Variants in TTLL5 observed in about 807,000 individuals in gnomAD.
The protein encoded by TTLL5 is tubulin tyrosine ligase like 5, also known as tubulin polyglutamylase TTLL5.
In TTLL5, 132 loss-of-function variants were observed where a neutral mutation model predicts 168.4. The ratio of observed to expected loss-of-function variants is 0.78; its 90% CI spans 0.68 to 0.91. The LOEUF is 0.91. TTLL5 is among the 40% of genes least tolerant of loss of function. The pLI, the probability that TTLL5 is intolerant of heterozygous loss-of-function variation, is 0.00. For synonymous variants in TTLL5, 546 were observed against 558.6 expected (o/e 0.98, Z 0.32); for missense variants, 1,545 against 1,581.5 (o/e 0.98, Z 0.39).
chr14:75,825,366 G>T (rs2140425340), intron 28 of TTLL5, among the ~76,000 whole-genome samples: 1 of 152,244 alleles, frequency 6.6e-6, no homozygotes, highest in African/African-American at 2.4e-5. Flanking sequence ...AGCCGAGGAT[G>T]GGAAGGCATC....
intron 31 of TTLL5, among the ~76,000 whole-genome samples, chr14:75,925,815 G>A (rs534691550): frequency 3.5e-4 from 54 of 152,140 alleles, no homozygotes; most frequent in Non-Finnish European, 7.2e-4. Flanking sequence ...TCGGGAGGCC[G>A]AGGCTGGCGG....
At chr14:75,880,929 T>A (rs749986586) in intron 29 of TTLL5, among the ~76,000 whole-genome samples, 3 of 152,130 alleles carry the variant, frequency 2.0e-5, no homozygotes, top group Admixed American at 1.3e-4. Context: ...CCCCGCTTTT[T>A]TTGAGACAGG....
intron 31 of TTLL5, among the ~76,000 whole-genome samples, chr14:75,923,823 A>G (rs1445023399): frequency 1.3e-5 from 2 of 152,274 alleles, no homozygotes; most frequent in African/African-American, 2.4e-5. Flanking sequence ...GTCTTCCACT[A>G]TTATTGTGTG....
In TTLL5 at chr14:75,683,547, C is replaced by G. The variant is rs1884794433; in HGVS notation, c.265-3C>G. 6 of 1,612,320 alleles carry G rather than the reference C, an allele frequency of 3.7e-6. No homozygotes were observed. The highest frequency in any genetic ancestry group is 5.1e-6 in the Non-Finnish European group (6 of 1,178,652). On this transcript the variant is annotated splice_region_variant and splice_polypyrimidine_tract_variant and intron_variant, in intron 4 of 31. Coordinates refer to ENST00000298832, the MANE Select transcript of TTLL5 (RefSeq NM_015072.5). ...GCCTTCTTGTCTTTCTGTCTGCCCT[C>G]AGGTTCACCCAAGCAGCACTGACTA... is the stretch of plus-strand genomic sequence containing the variant.
chr14:75,919,816 A>G (rs1459454762), intron 31 of TTLL5, among the ~76,000 whole-genome samples: 1 of 152,152 alleles, frequency 6.6e-6, no homozygotes. Flanking sequence ...TTCAACGGAT[A>G]CCACCAAGAA....
chr14:75,702,590 A>G (rs1366694392), intron 7 of TTLL5, among the ~76,000 whole-genome samples: 1 of 152,210 alleles, frequency 6.6e-6, no homozygotes, highest in Non-Finnish European at 1.5e-5. Flanking sequence ...TAGAAAAGTT[A>G]AACTTTCCTT....
At chr14:75,818,127 C>T (rs1217772396) in intron 27 of TTLL5, among the ~76,000 whole-genome samples, 9 of 152,160 alleles carry the variant, frequency 5.9e-5, no homozygotes, top group African/African-American at 1.7e-4. Context: ...CGTGAGCCAC[C>T]GTGCCCGGCC....
intron 27 of TTLL5, among the ~76,000 whole-genome samples, chr14:75,811,181 G>GTGTGTGTGTGTGTA (rs778265688): frequency 4.9e-5 from 6 of 121,310 alleles, no homozygotes; most frequent in South Asian, 2.5e-4. Context: ...GTGTGTGTGT[G>GTGTGTGTGTGTGTA]TGTGTGTATG....
At chr14:75,882,163 G>A (rs1172931790) in intron 29 of TTLL5, among the ~76,000 whole-genome samples, 1 of 152,012 alleles carries the variant, frequency 6.6e-6, no homozygotes, top group Non-Finnish European at 1.5e-5. Context: ...GGTTCCTGTC[G>A]CAGGAACCTC....
At chr14:75,783,904 A>G (rs889935265) in intron 26 of TTLL5, among the ~76,000 whole-genome samples, 3 of 152,248 alleles carry the variant, frequency 2.0e-5, no homozygotes. Flanking sequence ...TTTTTAGGCA[A>G]GAATGACCTG....
Position 75,948,485 on chromosome 14 carries a change from T to TA in TTLL5, c.3824-5928dup, listed in dbSNP as rs771491969. Among the ~76,000 whole-genome samples the TA allele has an allele frequency of 5.4e-3, 797 of 146,514 alleles. 2 individuals carry two copies. The highest frequency in any genetic ancestry group is 7.2e-3 in the Non-Finnish European group (479 of 66,206). ...GGGTGACAAGAGTGAAACCCTATCT[T>TA]AAAAAAAAAAATCATAATTTTAAAA... is the stretch of plus-strand genomic sequence containing the variant. On this transcript the variant is annotated intron_variant, in intron 31 of 31. Coordinates refer to ENST00000298832, the MANE Select transcript of TTLL5 (RefSeq NM_015072.5).
At chr14:75,904,043 C>T (rs1316254388) in intron 31 of TTLL5, 3 of 1,168,854 alleles carry the variant, frequency 2.6e-6, no homozygotes, top group African/African-American at 3.3e-5. Flanking sequence ...CCACTACTAC[C>T]TCATAACCTT....
intron 7 of TTLL5, among the ~76,000 whole-genome samples, chr14:75,704,821 G>A (rs1384722529): frequency 6.6e-6 from 1 of 152,182 alleles, no homozygotes; most frequent in Non-Finnish European, 1.5e-5. Context: ...AGAACACATA[G>A]TAAAGTTACC....
At chr14:75,879,175 T>A (rs2031666853) in intron 29 of TTLL5, among the ~76,000 whole-genome samples, 1 of 152,144 alleles carries the variant, frequency 6.6e-6, no homozygotes, top group South Asian at 2.1e-4. Context: ...CTATAATACA[T>A]GGTAGAATGT....
At chr14:75,924,261 A>T (rs1480946723) in intron 31 of TTLL5, among the ~76,000 whole-genome samples, 1 of 150,544 alleles carries the variant, frequency 6.6e-6, no homozygotes, top group Non-Finnish European at 1.5e-5. Flanking sequence ...TGATCCTGTC[A>T]TTATGATGTT....
chr14:75,670,650 T>A (rs1883668712), intron 3 of TTLL5, among the ~76,000 whole-genome samples: 1 of 152,232 alleles, frequency 6.6e-6, no homozygotes, highest in Non-Finnish European at 1.5e-5. Context: ...TGGTTTTGAT[T>A]TGCATTTCCC....
intron 3 of TTLL5, 102 bp downstream of exon 3, chr14:75,669,624 C>A: frequency 1.2e-6 from 1 of 867,672 alleles, no homozygotes; most frequent in Non-Finnish European, 1.7e-6. Context: ...GGGCCTTGGC[C>A]ATGAGAAAAA....
intron 28 of TTLL5, among the ~76,000 whole-genome samples, chr14:75,845,553 A>G (rs1400067011): frequency 6.6e-6 from 1 of 152,246 alleles, no homozygotes; most frequent in Admixed American, 6.5e-5. Flanking sequence ...AAGTTGTGAA[A>G]GAGAGGAACA....
chr14:75,771,758 C>A lies in TTLL5; in HGVS notation c.2040C>A (p.Phe680Leu). The A allele has an allele frequency of 6.2e-7, 1 of 1,613,982 alleles. No homozygotes were observed. The highest frequency in any genetic ancestry group is 8.5e-7 in the Non-Finnish European group (1 of 1,179,920). ...GCAAAATGCAGGCCCGAATAGCATT[C>A]TCTGCCTATCTCCAGCATGTTCAAA... Reference protein sequence around the residue: ...NLSKMQARIAFSAYLQHVQIR... With the variant: ...NLSKMQARIALSAYLQHVQIR... The change falls in exon 21 of 32, where the codon TTC (phenylalanine) becomes TTA (leucine). Residue 680 changes from phenylalanine to leucine, a missense_variant. Transcript: ENST00000298832.
Sources: allele counts gnomAD v4.1 joint callset (sites outside exome capture counted in the v4.1 genomes callset), GRCh38; gene constraint gnomAD v4.1.1; transcripts MANE v1.5; gene names NCBI Gene and HGNC (gene_info 2026-07-23, HGNC 2026-07-21).